GRIN2A: variants seen among roughly 807,000 people sequenced by gnomAD.
The protein encoded by GRIN2A is glutamate receptor ionotropic, NMDA 2A.
A neutral mutation model predicts 113.4 loss-of-function variants in GRIN2A; 22 were observed. That is an observed-to-expected ratio of 0.19 (90% confidence interval 0.14 to 0.28). The LOEUF is 0.28. Among genes scored for constraint, GRIN2A ranks in the 10% least tolerant of loss-of-function variants. The pLI, the probability that GRIN2A is intolerant of heterozygous loss-of-function variation, is 1.00. For synonymous variants in GRIN2A, 827 were observed against 738.4 expected (o/e 1.12, Z -1.94); for missense variants, 1,502 against 1,887.0 (o/e 0.80, Z 3.78).
intron 3 of GRIN2A, among the ~76,000 whole-genome samples, chr16:9,897,881 C>A (rs1274841839): frequency 1.3e-5 from 2 of 152,052 alleles, no homozygotes; most frequent in African/African-American, 2.4e-5. Flanking sequence ...TAGTGCTAAA[C>A]AGGGTGTGCG....
At chr16:9,772,811 A>G (rs1411396323) in intron 11 of GRIN2A, among the ~76,000 whole-genome samples, 1 of 151,974 alleles carries the variant, frequency 6.6e-6, no homozygotes, top group African/African-American at 2.4e-5. Context: ...TGATATAAGA[A>G]ACATCATCTC....
At chr16:9,958,148 C>A (rs933654789) in intron 2 of GRIN2A, among the ~76,000 whole-genome samples, 20 of 152,158 alleles carry the variant, frequency 1.3e-4, no homozygotes, top group Admixed American at 7.9e-4. Flanking sequence ...TCTGCATAAG[C>A]GACTGTGAGG....
intron 3 of GRIN2A, among the ~76,000 whole-genome samples, chr16:9,909,654 C>A (rs2044095635): frequency 6.6e-6 from 1 of 152,104 alleles, no homozygotes; most frequent in Non-Finnish European, 1.5e-5. Context: ...AAGAGGATCC[C>A]AAAAGGCTGT....
At chr16:10,111,624 G>C in intron 2 of GRIN2A, 1 of 1,412,428 alleles carries the variant, frequency 7.1e-7, no homozygotes, top group Non-Finnish European at 1.0e-6. Context: ...TGGCCATCGC[G>C]ATGGCTCTGA....
chr16:9,995,900 G>A (rs2046213386), intron 2 of GRIN2A, among the ~76,000 whole-genome samples: 1 of 151,804 alleles, frequency 6.6e-6, no homozygotes, highest in African/African-American at 2.4e-5. Flanking sequence ...GGGATTTGCA[G>A]GGAGGTAGAG....
chr16:10,100,389 G>A (rs149115751), intron 2 of GRIN2A, among the ~76,000 whole-genome samples: 1 of 152,326 alleles, frequency 6.6e-6, no homozygotes, highest in Non-Finnish European at 1.5e-5. Context: ...GTCCTGGCAA[G>A]AGATGTTGAG....
intron 3 of GRIN2A, among the ~76,000 whole-genome samples, chr16:9,937,298 T>C (rs2044735262): frequency 6.6e-6 from 1 of 152,080 alleles, no homozygotes; most frequent in Admixed American, 6.6e-5. Context: ...TACTATACGA[T>C]AGCATAATAG....
intron 2 of GRIN2A, among the ~76,000 whole-genome samples, chr16:10,176,155 G>C (rs1371870435): frequency 6.6e-6 from 1 of 151,888 alleles, no homozygotes; most frequent in East Asian, 1.9e-4. Context: ...ACAGGGGCCT[G>C]CCACCACATC....
intron 2 of GRIN2A, chr16:10,111,570 A>G: frequency 1.2e-6 from 1 of 854,124 alleles, no homozygotes; most frequent in South Asian, 1.3e-5. Context: ...TGCTGAAGAC[A>G]CCACTGATCT....
chr16:9,845,132 G>T (rs1026418000), intron 5 of GRIN2A, among the ~76,000 whole-genome samples: 11 of 152,022 alleles, frequency 7.2e-5, no homozygotes, highest in African/African-American at 2.4e-4. Context: ...ATTTCATCCA[G>T]ACACAGTAAA....
rs2142391768 is a variant in GRIN2A, at chr16:10,180,425, G to A, written c.-14C>T. 6.2e-7 allele frequency: 1 copy of A among 1,602,192 alleles called. No individual in the cohort carries two copies. Among genetic ancestry groups the A allele is most frequent in the Non-Finnish European group, 8.5e-7 (1 of 1,178,944 alleles). On this transcript the variant is annotated 5_prime_UTR_variant, in exon 2 of 13. Coordinates refer to ENST00000330684, the MANE Select transcript of GRIN2A (RefSeq NM_001134407.3). This position sits in a 1 kb window ranked among gnomAD's most constrained non-coding sequence, Gnocchi z 7.0. Reference sequence around the variant, plus strand: ...CACTCTGCCCATAGTCGCCACTGACGGTCCCTGCAAGGTGAAGAGTGAGAG... The same window carrying A: ...CACTCTGCCCATAGTCGCCACTGACAGTCCCTGCAAGGTGAAGAGTGAGAG...
intron 2 of GRIN2A, among the ~76,000 whole-genome samples, chr16:10,079,703 T>C (rs1231234707): frequency 6.6e-6 from 1 of 152,216 alleles, no homozygotes; most frequent in Non-Finnish European, 1.5e-5. Flanking sequence ...GACCCTGGAC[T>C]TAAGCAGCCT....
chr16:9,875,286 T>C (rs759948169), intron 4 of GRIN2A, among the ~76,000 whole-genome samples: 12 of 151,950 alleles, frequency 7.9e-5, no homozygotes, highest in East Asian at 1.9e-4. Context: ...TTCTTCAGAG[T>C]CTAGAAAGCA....
intron 3 of GRIN2A, among the ~76,000 whole-genome samples, chr16:9,934,891 C>A (rs922964626): frequency 6.6e-6 from 1 of 151,736 alleles, no homozygotes; most frequent in African/African-American, 2.4e-5. Context: ...TGGACACCAC[C>A]AGCCCTGCAT....
At position 10,182,081 on chromosome 16, in the gene GRIN2A, G is replaced by GGA. The variant is rs1377847922; in HGVS notation, c.-225_-224dup. The GGA allele has an allele frequency of 6.5e-6, 1 of 152,922 alleles. No individual in the cohort carries two copies. Among genetic ancestry groups the GGA allele is most frequent in the Non-Finnish European group, 1.5e-5 (1 of 68,468 alleles). 9.5% of individuals were successfully genotyped at this position (152,922 alleles called of 1,614,324 possible). A position where few individuals can be genotyped will look rare whatever the true frequency, so the allele number is the denominator to read the frequency against. Reference sequence around the variant, plus strand: ...TGCAGCAGGGCTCTAACGGGGCGGAGGAGAGAAGGAGAGGCAGGGTCAGCC... The same window carrying GGA: ...TGCAGCAGGGCTCTAACGGGGCGGAGGAGAGAGAAGGAGAGGCAGGGTCAGCC... On this transcript the variant is annotated 5_prime_UTR_variant, in exon 1 of 13. Transcript: ENST00000330684.
chr16:10,160,486 T>A (rs1474911237), intron 2 of GRIN2A, among the ~76,000 whole-genome samples: 10 of 152,162 alleles, frequency 6.6e-5, no homozygotes, highest in Admixed American at 6.5e-4. Flanking sequence ...GGGGACCTCA[T>A]GACAACACAT....
intron 2 of GRIN2A, among the ~76,000 whole-genome samples, chr16:10,173,973 G>T (rs1296034194): frequency 2.0e-5 from 3 of 152,098 alleles, no homozygotes; most frequent in Non-Finnish European, 4.4e-5. Context: ...ACATAGTATT[G>T]CTTGCAAATA....
intron 10 of GRIN2A, among the ~76,000 whole-genome samples, chr16:9,806,209 T>A (rs2041962704): frequency 6.6e-6 from 1 of 152,238 alleles, no homozygotes; most frequent in South Asian, 2.1e-4. Context: ...TTGATCAGGA[T>A]TTGGACCACA....
intron 2 of GRIN2A, among the ~76,000 whole-genome samples, chr16:10,127,336 G>A (rs2048960783): frequency 6.6e-6 from 1 of 152,112 alleles, no homozygotes; most frequent in African/African-American, 2.4e-5. Context: ...CCATGAAAAT[G>A]TGGAGCTCCT....
Sources: allele counts gnomAD v4.1 joint callset (sites outside exome capture counted in the v4.1 genomes callset), GRCh38; gene constraint gnomAD v4.1.1; non-coding constraint Gnocchi (gnomAD v3.1); transcripts MANE v1.5; gene names NCBI Gene and HGNC (gene_info 2026-07-23, HGNC 2026-07-21).